ANKRD30BL: variants seen among roughly 807,000 people sequenced by gnomAD.
ANKRD30BL encodes the protein putative ankyrin repeat domain-containing protein 30B-like.
A neutral mutation model predicts 18.4 loss-of-function variants in ANKRD30BL; 20 were observed. That is an observed-to-expected ratio of 1.09 (90% CI 0.77 to 1.58). The LOEUF is 1.58. Among genes scored for constraint, ANKRD30BL ranks in the 40% most tolerant of loss-of-function variants. The pLI is 0.00. For missense variants in ANKRD30BL, 224 were observed against 268.6 expected, an observed-to-expected ratio of 0.83 and a Z score of 1.16; for synonymous variants, 72 against 100.9, an observed-to-expected ratio of 0.71 and a Z score of 1.72.
At chr2:132,196,940 C>A (rs922349507) in intron 1 of ANKRD30BL, among the ~76,000 whole-genome samples, 1 of 152,110 alleles carries the variant, frequency 6.6e-6, no homozygotes, top group Non-Finnish European at 1.5e-5. Context: ...ATTTAAAAGT[C>A]AGAAAGACCA....
intron 1 of ANKRD30BL, among the ~76,000 whole-genome samples, chr2:132,218,243 T>A (rs1322332588): frequency 6.6e-6 from 1 of 152,174 alleles, no homozygotes; most frequent in East Asian, 1.9e-4. Context: ...AATTTGCAAT[T>A]GGATATTTGG....
chr2:132,164,266 T>TTTC, upstream of ANKRD30BL, among the ~76,000 whole-genome samples: 1 of 105,726 alleles, frequency 9.5e-6, no homozygotes, highest in African/African-American at 4.5e-5. Context: ...TCTTTTTCTT[T>TTTC]TTCTTTTTTT....
intron 1 of ANKRD30BL, among the ~76,000 whole-genome samples, chr2:132,221,824 G>T (rs1679695550): frequency 1.7e-5 from 2 of 120,728 alleles, no homozygotes; most frequent in Admixed American, 7.5e-5. Context: ...GAGGTGGGGG[G>T]GTCAGCCCCC....
chr2:132,178,094 A>G (rs1023382877), intron 1 of ANKRD30BL, among the ~76,000 whole-genome samples: 1 of 152,202 alleles, frequency 6.6e-6, no homozygotes, highest in Admixed American at 6.5e-5. Context: ...AAGAACAGTT[A>G]ATCGGTGAAT....
At chr2:132,201,185 A>G (rs1303771893) in intron 1 of ANKRD30BL, among the ~76,000 whole-genome samples, 1 of 152,218 alleles carries the variant, frequency 6.6e-6, no homozygotes, top group African/African-American at 2.4e-5. Flanking sequence ...CTAAAACCAT[A>G]AAAACCCTAG....
intron 1 of ANKRD30BL, among the ~76,000 whole-genome samples, chr2:132,221,961 T>G (rs1381376406): frequency 1.8e-5 from 2 of 108,932 alleles, no homozygotes; most frequent in African/African-American, 4.0e-5. Flanking sequence ...GTCCGGGAGG[T>G]GAGGGGCGCC....
At chr2:132,181,722 A>G (rs1688465973) in intron 1 of ANKRD30BL, among the ~76,000 whole-genome samples, 1 of 152,228 alleles carries the variant, frequency 6.6e-6, no homozygotes, top group African/African-American at 2.4e-5. Context: ...CAGTATATTC[A>G]AGGTAAATAG....
At chr2:132,228,942 C>T (rs980176303) in intron 1 of ANKRD30BL, among the ~76,000 whole-genome samples, 1 of 151,790 alleles carries the variant, frequency 6.6e-6, no homozygotes, top group Non-Finnish European at 1.5e-5. Flanking sequence ...GAATTATCTT[C>T]ACATAAAAAA....
chr2:132,204,686 C>G (rs77332646), intron 1 of ANKRD30BL, among the ~76,000 whole-genome samples: 2,426 of 79,110 alleles, frequency 0.031, no homozygotes, highest in East Asian at 0.1. Flanking sequence ...AAGGTAGAAA[C>G]AGCTGAACTT....
chr2:132,207,178 G>A (rs1679227686), intron 1 of ANKRD30BL, among the ~76,000 whole-genome samples: 1 of 151,916 alleles, frequency 6.6e-6, no homozygotes, highest in Non-Finnish European at 1.5e-5. Context: ...ACCCACAAAA[G>A]GAGGGGAGCC....
intron 1 of ANKRD30BL, among the ~76,000 whole-genome samples, chr2:132,235,815 C>A (rs1303817746): frequency 5.3e-5 from 8 of 152,156 alleles, no homozygotes; most frequent in African/African-American, 1.9e-4. Context: ...CAATGCCTTT[C>A]TTCACACAAT....
intron 1 of ANKRD30BL, among the ~76,000 whole-genome samples, chr2:132,252,761 A>G (rs1161939878): frequency 1.3e-5 from 2 of 151,754 alleles, no homozygotes; most frequent in Non-Finnish European, 2.9e-5. Flanking sequence ...ACGTGAGACG[A>G]CGACGGCATG....
At chr2:132,152,129 A>T (rs921653149) in intron 4 of ANKRD30BL, 1 of 152,190 alleles carries the variant, frequency 6.6e-6, no homozygotes, top group African/African-American at 2.4e-5. Flanking sequence ...TACGTAAATA[A>T]TTTTTTGTAT....
intron 1 of ANKRD30BL, among the ~76,000 whole-genome samples, chr2:132,223,525 A>T (rs969468078): frequency 6.6e-6 from 1 of 152,002 alleles, no homozygotes; most frequent in Admixed American, 6.6e-5. Context: ...AGAGTTGAAC[A>T]TAACATTTCA....
intron 1 of ANKRD30BL, among the ~76,000 whole-genome samples, chr2:132,251,853 A>T (rs1198174633): frequency 6.6e-6 from 1 of 152,210 alleles, no homozygotes; most frequent in Non-Finnish European, 1.5e-5. Flanking sequence ...TTCTAAGAAA[A>T]CTTGGTAATG....
At position 132,198,316 on chromosome 2, in the gene ANKRD30BL, C is replaced by T. The variant is rs199762641; in HGVS notation, n.442-41170G>A. Among the ~76,000 whole-genome samples the T allele has an allele frequency of 9.8e-3, 112 of 11,400 alleles. 1 individual carries two copies. Among genetic ancestry groups the T allele is most frequent in the Middle Eastern group, 0.05 (1 of 20 alleles). 7.5% of individuals were successfully genotyped at this position (11,400 alleles called of 152,430 possible). A position where few individuals can be genotyped will look rare whatever the true frequency, so the allele number is the denominator to read the frequency against. On this transcript the variant is annotated intron_variant and non_coding_transcript_variant, in intron 1 of 4. Transcript: ENST00000470729. ...TCTTTCTTTCTTTCTTTCTTTCTTT[C>T]TTTCTTTCTTTTTTTTTTTTTTTTT...
chr2:132,245,883 G>A (rs1381202453), intron 1 of ANKRD30BL, among the ~76,000 whole-genome samples: 1 of 151,046 alleles, frequency 6.6e-6, no homozygotes, highest in African/African-American at 2.4e-5. Flanking sequence ...AGAGCAATTG[G>A]AAACACTCTT....
At chr2:132,195,514 G>C (rs1161365117) in intron 1 of ANKRD30BL, among the ~76,000 whole-genome samples, 1 of 151,874 alleles carries the variant, frequency 6.6e-6, no homozygotes, top group Non-Finnish European at 1.5e-5. Flanking sequence ...TCCAGGGCCA[G>C]GCATGGTGGC....
chr2:132,165,096 A>C (rs1688161945), upstream of ANKRD30BL, among the ~76,000 whole-genome samples: 1 of 152,030 alleles, frequency 6.6e-6, no homozygotes, highest in Admixed American at 6.6e-5. Context: ...AACAAAAAAA[A>C]ACGCAAATGC....
Sources: allele counts gnomAD v4.1 joint callset (sites outside exome capture counted in the v4.1 genomes callset), GRCh38; gene constraint gnomAD v4.1.1; transcripts MANE v1.5; gene names NCBI Gene and HGNC (gene_info 2026-07-23, HGNC 2026-07-21).